LUZP2: variants seen among roughly 807,000 people sequenced by gnomAD.
LUZP2 encodes the protein leucine zipper protein 2.
Under a neutral mutation model 51.6 loss-of-function variants are expected in LUZP2, and 52 were observed. The ratio of observed to expected loss-of-function variants is 1.01; its 90% CI spans 0.81 to 1.27. The LOEUF (loss-of-function observed/expected upper bound fraction) is 1.27, where lower values mean the gene tolerates loss of function less well. Among genes scored for constraint, LUZP2 ranks in the 50% most tolerant of loss-of-function variants. LUZP2 has a pLI of 0.00. For missense variants in LUZP2, 436 were observed against 395.4 expected (o/e 1.10, Z -0.87); for synonymous variants, 154 against 137.3 (o/e 1.12, Z -0.85).
intron 1 of LUZP2, among the ~76,000 whole-genome samples, chr11:24,517,235 C>G (rs1019872525): frequency 2.0e-5 from 3 of 151,854 alleles, no homozygotes; most frequent in African/African-American, 7.3e-5. Flanking sequence ...CCTGTAACCC[C>G]AGCACTTTGG....
At chr11:24,677,274 C>G (rs1856589976) in intron 1 of LUZP2, among the ~76,000 whole-genome samples, 1 of 152,130 alleles carries the variant, frequency 6.6e-6, no homozygotes, top group Non-Finnish European at 1.5e-5. Flanking sequence ...AAATTTCTCT[C>G]TACATTAACA....
At chr11:24,961,105 A>T (rs1287997798) in intron 7 of LUZP2, among the ~76,000 whole-genome samples, 9 of 152,072 alleles carry the variant, frequency 5.9e-5, no homozygotes, top group African/African-American at 9.7e-5. Flanking sequence ...CACTGTGGTC[A>T]GAGAGATAGT....
intron 1 of LUZP2, among the ~76,000 whole-genome samples, chr11:24,565,074 A>G (rs139696199): frequency 3.7e-4 from 57 of 152,266 alleles, no homozygotes; most frequent in Middle Eastern, 3.4e-3. Flanking sequence ...CTCTATCCTT[A>G]GTGAATTAGT....
chr11:24,614,612 A>G (rs1270304182), intron 1 of LUZP2, among the ~76,000 whole-genome samples: 1 of 151,890 alleles, frequency 6.6e-6, no homozygotes, highest in Non-Finnish European at 1.5e-5. Context: ...TGACCTTTCT[A>G]TGTTCAAATG....
At chr11:24,852,523 C>A (rs1378946003) in intron 5 of LUZP2, among the ~76,000 whole-genome samples, 1 of 152,032 alleles carries the variant, frequency 6.6e-6, no homozygotes, top group African/African-American at 2.4e-5. Flanking sequence ...GCTTTACTTC[C>A]AATTATGTGG....
chr11:24,939,335 G>T (rs1854679147), intron 7 of LUZP2, among the ~76,000 whole-genome samples: 1 of 151,966 alleles, frequency 6.6e-6, no homozygotes, highest in Non-Finnish European at 1.5e-5. Flanking sequence ...AGTCTAGTAA[G>T]GGAGAGGGTC....
intron 7 of LUZP2, among the ~76,000 whole-genome samples, chr11:24,920,747 C>T (rs1358353318): frequency 6.7e-6 from 1 of 150,124 alleles, no homozygotes; most frequent in Non-Finnish European, 1.5e-5. Context: ...ATAATGTGTA[C>T]ACATGGACAT....
chr11:24,789,459 A>G (rs1305243454), intron 5 of LUZP2, among the ~76,000 whole-genome samples: 1 of 152,088 alleles, frequency 6.6e-6, no homozygotes, highest in African/African-American at 2.4e-5. Context: ...ATAGTTTTTC[A>G]ATTAAATTTG....
chr11:24,550,083 C>T (rs1271694500), intron 1 of LUZP2, among the ~76,000 whole-genome samples: 2 of 151,990 alleles, frequency 1.3e-5, no homozygotes, highest in Non-Finnish European at 2.9e-5. Flanking sequence ...GAAATCTTTA[C>T]ATGGCTTGGG....
intron 1 of LUZP2, among the ~76,000 whole-genome samples, chr11:24,633,222 T>C (rs992655478): frequency 2.0e-5 from 3 of 151,922 alleles, no homozygotes; most frequent in African/African-American, 7.2e-5. Context: ...AGAGGACACA[T>C]AAAAATATTC....
At chr11:24,814,706 G>A (rs1004842029) in intron 5 of LUZP2, among the ~76,000 whole-genome samples, 4 of 152,070 alleles carry the variant, frequency 2.6e-5, no homozygotes, top group Non-Finnish European at 5.9e-5. Context: ...TAAACAATCA[G>A]TATGTGCCGG....
At chr11:24,913,344 A>G (rs1336373509) in intron 6 of LUZP2, among the ~76,000 whole-genome samples, 2 of 152,154 alleles carry the variant, frequency 1.3e-5, no homozygotes, top group Non-Finnish European at 2.9e-5. Flanking sequence ...ATAATTCAGT[A>G]CTTCATTCCT....
intron 5 of LUZP2, among the ~76,000 whole-genome samples, chr11:24,793,798 G>A (rs1310483394): frequency 6.6e-6 from 1 of 152,044 alleles, no homozygotes; most frequent in Non-Finnish European, 1.5e-5. Context: ...ACAGCTCTTA[G>A]GCAACAGCAG....
In LUZP2 at chr11:24,764,470, A is replaced by G. The variant is rs1471136918; in HGVS notation, c.396+1162A>G. On this transcript the variant is annotated intron_variant, in intron 5 of 11. Transcript: ENST00000336930. ...CAGGAGTTTGAGACCAGTCTGGACA[A>G]CATGGTAAAATCTCATCTCTAAAAA... is the stretch of plus-strand genomic sequence containing the variant. Among the ~76,000 whole-genome samples the G allele has an allele frequency of 4.2e-5, 6 of 143,384 alleles. No individual in the cohort carries two copies. The East Asian group carries it at 1.3e-3, about 32-fold the overall frequency. 94.1% of individuals were successfully genotyped at this position (143,384 alleles called of 152,430 possible).
chr11:24,958,721 T>G (rs931288625), intron 7 of LUZP2, among the ~76,000 whole-genome samples: 13 of 152,176 alleles, frequency 8.5e-5, no homozygotes, highest in East Asian at 1.9e-4. Context: ...CACTCTGATG[T>G]TAGTTTCTTT....
At chr11:24,525,001 G>A (rs1850754234) in intron 1 of LUZP2, among the ~76,000 whole-genome samples, 1 of 151,582 alleles carries the variant, frequency 6.6e-6, no homozygotes, top group Admixed American at 6.6e-5. Context: ...AAACATTAAA[G>A]AAAGTGAACA....
chr11:24,832,339 A>G (rs112245534), intron 5 of LUZP2, among the ~76,000 whole-genome samples: 16 of 151,972 alleles, frequency 1.1e-4, no homozygotes, highest in African/African-American at 3.4e-4. Context: ...AGAAAAAAAT[A>G]AAATAAAATA....
At chr11:24,950,279 T>A (rs1410824335) in intron 7 of LUZP2, among the ~76,000 whole-genome samples, 1 of 151,500 alleles carries the variant, frequency 6.6e-6, no homozygotes, top group Non-Finnish European at 1.5e-5. Context: ...GAAAACGAAA[T>A]GTTAACACCT....
In LUZP2 at chr11:25,079,621, G is replaced by A. The variant is rs1352954181; in HGVS notation, c.*963G>A. 1 of 152,016 alleles carries A rather than the reference G, an allele frequency of 6.6e-6. No homozygotes were observed. Among genetic ancestry groups the A allele is most frequent in the African/African-American group, 2.4e-5 (1 of 41,376 alleles). 9.4% of individuals were successfully genotyped at this position (152,016 alleles called of 1,614,324 possible). A position where few individuals can be genotyped will look rare whatever the true frequency, so the allele number is the denominator to read the frequency against. On this transcript the variant is annotated 3_prime_UTR_variant, in exon 12 of 12. Transcript: ENST00000336930. ...TCCATAAGAGTTCTGATTTTCTATA[G>A]GAATATCACTAATCAAAAAAATGCA...
Sources: allele counts gnomAD v4.1 joint callset (sites outside exome capture counted in the v4.1 genomes callset), GRCh38; gene constraint gnomAD v4.1.1; transcripts MANE v1.5; gene names NCBI Gene and HGNC (gene_info 2026-07-23, HGNC 2026-07-21).